Variants in STT3B observed in about 807,000 individuals in gnomAD.
STT3B encodes the protein dolichyl-diphosphooligosaccharide--protein glycosyltransferase subunit STT3B.
A neutral mutation model predicts 96.8 loss-of-function variants in STT3B; 29 were observed. The ratio of observed to expected loss-of-function variants is 0.30; its 90% confidence interval spans 0.22 to 0.41. STT3B has a LOEUF of 0.41. STT3B is among the 10% of genes least tolerant of loss of function. STT3B has a pLI of 1.00. For missense variants in STT3B, 640 were observed against 1,022.3 expected (o/e 0.63, Z 5.10); for synonymous variants, 367 against 360.0 (o/e 1.02, Z -0.22).
intron 1 of STT3B, among the ~76,000 whole-genome samples, chr3:31,560,386 A>G (rs2125444353): frequency 6.6e-6 from 1 of 151,952 alleles, no homozygotes; most frequent in East Asian, 1.9e-4. Context: ...ATGGTAGTAG[A>G]TATTGTCCTT....
chr3:31,629,544 T>G, intron 14 of STT3B, 133 bp downstream of exon 14: 1 of 494,842 alleles, frequency 2.0e-6, no homozygotes, highest in Non-Finnish European at 3.5e-6. Context: ...ATAGTCTTTT[T>G]TTCATTAAAT....
In STT3B at chr3:31,617,061, A is replaced by G. The variant is rs1478247903; in HGVS notation, c.1109A>G (p.Tyr370Cys). ...AAGAVFLSVI[Y>C]LTYTGYIAPW... ...GGTGCTGTGTTCCTTAGTGTCATCTATTTGACTTATACAGGTACGTGTTAT... is the reference window on the plus strand; with the variant it reads ...GGTGCTGTGTTCCTTAGTGTCATCTGTTTGACTTATACAGGTACGTGTTAT... Residue 370 changes from tyrosine to cysteine, a missense_variant, in exon 7 of 16, where the codon TAT becomes TGT. Coordinates refer to ENST00000295770, the MANE Select transcript of STT3B (RefSeq NM_178862.3). 12 of 1,607,452 alleles carry G rather than the reference A, an allele frequency of 7.5e-6. No individual in the cohort carries two copies. The highest frequency in any genetic ancestry group is 4.0e-5 in the African/African-American group (3 of 74,814).
At chr3:31,597,521 A>G (rs889068817) in intron 4 of STT3B, among the ~76,000 whole-genome samples, 3 of 151,966 alleles carry the variant, frequency 2.0e-5, no homozygotes, top group East Asian at 3.9e-4. Flanking sequence ...CAGTGGTGCA[A>G]TCATAGCTCA....
At chr3:31,607,534 C>A (rs1699079873) in intron 5 of STT3B, among the ~76,000 whole-genome samples, 1 of 152,076 alleles carries the variant, frequency 6.6e-6, no homozygotes, top group Non-Finnish European at 1.5e-5. Flanking sequence ...TGCATGCCAC[C>A]TTGATTGTGA....
intron 1 of STT3B, 164 bp downstream of exon 1, chr3:31,533,476 G>A: frequency 1.2e-6 from 1 of 867,762 alleles, no homozygotes. Flanking sequence ...CGCGCCCCCT[G>A]CCCGTGGGCG....
At chr3:31,617,704 T>C (rs754661067) in intron 7 of STT3B, among the ~76,000 whole-genome samples, 1 of 152,040 alleles carries the variant, frequency 6.6e-6, no homozygotes, top group Non-Finnish European at 1.5e-5. Flanking sequence ...TCTACAACTT[T>C]ATCTCAAATG....
At chr3:31,618,832 T>A (rs1265689291) in intron 8 of STT3B, among the ~76,000 whole-genome samples, 1 of 152,072 alleles carries the variant, frequency 6.6e-6, no homozygotes, top group Admixed American at 6.5e-5. Context: ...TTATTCTGAT[T>A]AGGTTAAATT....
intron 2 of STT3B, 146 bp downstream of exon 2, chr3:31,576,650 T>C (rs1698270846): frequency 2.1e-6 from 1 of 467,624 alleles, no homozygotes; most frequent in African/African-American, 2.0e-5. Flanking sequence ...TTCAGTTTAC[T>C]TAGGCTCTTT....
chr3:31,541,082 T>C (rs1315429528), intron 1 of STT3B, among the ~76,000 whole-genome samples: 1 of 152,244 alleles, frequency 6.6e-6, no homozygotes, highest in Non-Finnish European at 1.5e-5. Context: ...TTATATTCTT[T>C]GAAAATAAGT....
At chr3:31,629,461 A>G in intron 14 of STT3B, 50 bp downstream of exon 14, 1 of 1,052,966 alleles carries the variant, frequency 9.5e-7, no homozygotes, top group South Asian at 1.4e-5. Flanking sequence ...AATGTTTAAA[A>G]CAAGTCTTAT....
At chr3:31,593,875 AC>A in intron 3 of STT3B, among the ~76,000 whole-genome samples, 1 of 152,110 alleles carries the variant, frequency 6.6e-6, no homozygotes, top group Non-Finnish European at 1.5e-5. Context: ...TCTAACTCCA[AC>A]ATCTGGGCCC....
intron 2 of STT3B, among the ~76,000 whole-genome samples, chr3:31,578,685 T>G (rs1212538092): frequency 6.6e-6 from 1 of 151,862 alleles, no homozygotes; most frequent in Non-Finnish European, 1.5e-5. Flanking sequence ...TTCCTCCCCC[T>G]CCCCCTTTCT....
chr3:31,588,839 T>A (rs1335282681), intron 3 of STT3B, among the ~76,000 whole-genome samples: 2 of 152,070 alleles, frequency 1.3e-5, no homozygotes, highest in African/African-American at 4.8e-5. Flanking sequence ...TTCTGTGCTC[T>A]GTTCTGTTCT....
At chr3:31,613,273 C>G (rs1190324014) in intron 5 of STT3B, among the ~76,000 whole-genome samples, 1 of 151,964 alleles carries the variant, frequency 6.6e-6, no homozygotes, top group Non-Finnish European at 1.5e-5. Context: ...TTATATTAAA[C>G]CTAAATTCTG....
At chr3:31,546,802 T>C (rs1041178462) in intron 1 of STT3B, among the ~76,000 whole-genome samples, 7 of 152,220 alleles carry the variant, frequency 4.6e-5, no homozygotes, top group Admixed American at 2.6e-4. Flanking sequence ...GCAGATATCT[T>C]ATTCCAGTTT....
intron 2 of STT3B, among the ~76,000 whole-genome samples, chr3:31,577,058 A>G (rs182521357): frequency 3.7e-4 from 56 of 152,180 alleles, no homozygotes; most frequent in African/African-American, 1.3e-3. Context: ...ACAAAGCAAC[A>G]TTGTCTTGTA....
At chr3:31,583,597 T>C (rs1698464005) in intron 3 of STT3B, among the ~76,000 whole-genome samples, 1 of 152,212 alleles carries the variant, frequency 6.6e-6, no homozygotes, top group African/African-American at 2.4e-5. Flanking sequence ...GTCCTTTCAG[T>C]CTCTTTGTCT....
At position 31,609,677 on chromosome 3, in the gene STT3B, C is replaced by T. The variant is rs1398147263; in HGVS notation, c.878-5428C>T. ...TGGTGCCATCTCGGTTCACTGCAAC[C>T]TCTGCCTCCTGGGTTCAAGCAATTC... is the stretch of plus-strand genomic sequence containing the variant. On this transcript the variant is annotated intron_variant, in intron 5 of 15. Transcript: ENST00000295770. Among the ~76,000 whole-genome samples the T allele has an allele frequency of 3.3e-5, 5 of 152,116 alleles. No individual in the cohort carries two copies. In the South Asian group the frequency reaches 6.2e-4, roughly 19 times the overall value.
At chr3:31,585,751 A>G (rs941705950) in intron 3 of STT3B, among the ~76,000 whole-genome samples, 5 of 151,998 alleles carry the variant, frequency 3.3e-5, no homozygotes, top group African/African-American at 9.7e-5. Flanking sequence ...GACCCTGTAT[A>G]TCCGTCTTCC....
Sources: allele counts gnomAD v4.1 joint callset (sites outside exome capture counted in the v4.1 genomes callset), GRCh38; gene constraint gnomAD v4.1.1; transcripts MANE v1.5; gene names NCBI Gene and HGNC (gene_info 2026-07-23, HGNC 2026-07-21).